PTPRD: variants seen among roughly 807,000 people sequenced by gnomAD.
PTPRD encodes protein tyrosine phosphatase receptor type D.
PTPRD carries 34 observed loss-of-function variants against 214.5 expected under a neutral mutation model. That is an observed-to-expected ratio of 0.16 (90% CI 0.12 to 0.21). PTPRD has a LOEUF of 0.21. Among genes scored for constraint, PTPRD ranks in the 10% least tolerant of loss-of-function variants. The pLI is 1.00. For missense variants in PTPRD, 2,545 were observed against 2,398.7 expected (o/e 1.06, Z -1.27); for synonymous variants, 1,128 against 845.7 (o/e 1.33, Z -5.79).
At chr9:8,441,282 A>G (rs987132387) in intron 34 of PTPRD, among the ~76,000 whole-genome samples, 2 of 152,070 alleles carry the variant, frequency 1.3e-5, no homozygotes, top group African/African-American at 4.8e-5. Context: ...CTCAGTCTCA[A>G]TGTCACTCAT....
intron 3 of PTPRD, among the ~76,000 whole-genome samples, chr9:10,164,230 C>T (rs747103118): frequency 2.2e-4 from 33 of 151,390 alleles, no homozygotes; most frequent in Non-Finnish European, 4.1e-4. Context: ...TCCACAAAAC[C>T]TACAAATCTA....
chr9:9,113,344 T>C (rs1420223004), intron 10 of PTPRD, among the ~76,000 whole-genome samples: 6 of 152,048 alleles, frequency 3.9e-5, no homozygotes, highest in Non-Finnish European at 8.8e-5. Flanking sequence ...ATTAAGTATA[T>C]TCGATATTTA....
chr9:8,925,434 A>C (rs1299943897), intron 11 of PTPRD, among the ~76,000 whole-genome samples: 1 of 152,048 alleles, frequency 6.6e-6, no homozygotes, highest in Non-Finnish European at 1.5e-5. Context: ...CACCTACATA[A>C]TTTCTGAAAC....
chr9:9,722,631 G>A (rs759372638), intron 7 of PTPRD, among the ~76,000 whole-genome samples: 2 of 151,974 alleles, frequency 1.3e-5, no homozygotes, highest in African/African-American at 2.4e-5. Context: ...TTAATCATTT[G>A]AAGAACTGCT....
intron 10 of PTPRD, among the ~76,000 whole-genome samples, chr9:9,097,308 A>C (rs563503420): frequency 6.6e-6 from 1 of 152,232 alleles, no homozygotes; most frequent in African/African-American, 2.4e-5. Flanking sequence ...CCTAAAGCAA[A>C]GGTTTTTGGG....
intron 9 of PTPRD, among the ~76,000 whole-genome samples, chr9:9,369,760 T>C (rs1266451761): frequency 6.6e-6 from 1 of 152,226 alleles, no homozygotes; most frequent in Non-Finnish European, 1.5e-5. Flanking sequence ...CACATAAGTC[T>C]TTAATCCATC....
intron 8 of PTPRD, among the ~76,000 whole-genome samples, chr9:9,520,265 TTA>T (rs981716414): frequency 2.9e-4 from 41 of 142,322 alleles, no homozygotes; most frequent in East Asian, 6.1e-4. Flanking sequence ...CTCCTAAAAG[TTA>T]TATATATATA....
intron 7 of PTPRD, among the ~76,000 whole-genome samples, chr9:9,622,261 T>A (rs2095269238): frequency 6.6e-6 from 1 of 152,128 alleles, no homozygotes; most frequent in African/African-American, 2.4e-5. Flanking sequence ...TCAAGATAAA[T>A]AGGGTTATTT....
At chr9:9,900,913 T>C (rs952849610) in intron 5 of PTPRD, among the ~76,000 whole-genome samples, 16 of 152,140 alleles carry the variant, frequency 1.1e-4, no homozygotes, top group Non-Finnish European at 1.8e-4. Context: ...GGTATCTTTA[T>C]AGCAATGCCC....
At chr9:8,676,794 G>A (rs1044040733) in intron 12 of PTPRD, among the ~76,000 whole-genome samples, 5 of 152,062 alleles carry the variant, frequency 3.3e-5, no homozygotes, top group African/African-American at 1.2e-4. Flanking sequence ...AGCTGGTCTC[G>A]AACTCCTGAC....
chr9:9,856,272 G>A (rs191908599), intron 5 of PTPRD, among the ~76,000 whole-genome samples: 172 of 152,292 alleles, frequency 1.1e-3, no homozygotes, highest in Middle Eastern at 3.4e-3. Flanking sequence ...TATAGGCACA[G>A]GATGGTGCAG....
At chr9:10,050,225 T>C (rs2097503393) in intron 3 of PTPRD, among the ~76,000 whole-genome samples, 1 of 151,732 alleles carries the variant, frequency 6.6e-6, no homozygotes, top group South Asian at 2.1e-4. Flanking sequence ...TAGGTGGGGA[T>C]GTGCTTGGCC....
chr9:9,833,338 G>T (rs2055585485), intron 5 of PTPRD, among the ~76,000 whole-genome samples: 1 of 151,944 alleles, frequency 6.6e-6, no homozygotes, highest in Non-Finnish European at 1.5e-5. Flanking sequence ...ACAAAAACCA[G>T]CAAGTTTTTA....
chr9:9,598,793 A>G (rs1161852320), intron 7 of PTPRD, among the ~76,000 whole-genome samples: 1 of 151,984 alleles, frequency 6.6e-6, no homozygotes, highest in Admixed American at 6.6e-5. Context: ...AGTGGCTTAT[A>G]AGAAAGTGAT....
At chr9:10,335,326 G>A (rs2096826031) in intron 3 of PTPRD, among the ~76,000 whole-genome samples, 1 of 151,700 alleles carries the variant, frequency 6.6e-6, no homozygotes, top group Non-Finnish European at 1.5e-5. Flanking sequence ...CAATTGCAAA[G>A]CAATGGATAA....
chr9:8,459,980 C>T (rs147874488), intron 33 of PTPRD, among the ~76,000 whole-genome samples: 8 of 152,084 alleles, frequency 5.3e-5, no homozygotes, highest in East Asian at 3.9e-4. Flanking sequence ...TCAACACTTG[C>T]GCAAATTAGA....
At chr9:9,747,716 T>A (rs2098472726) in intron 6 of PTPRD, among the ~76,000 whole-genome samples, 1 of 151,932 alleles carries the variant, frequency 6.6e-6, no homozygotes. Flanking sequence ...CTGGCTAATT[T>A]TTTTGTGTGT....
intron 15 of PTPRD, chr9:8,528,034 T>C (rs1359714021): frequency 1.8e-5 from 3 of 169,002 alleles, no homozygotes; most frequent in Non-Finnish European, 2.5e-5. Flanking sequence ...AACGTTTCTG[T>C]GTTTTTATGT....
chr9:9,142,928 C>A (rs1052080378), intron 10 of PTPRD, among the ~76,000 whole-genome samples: 1 of 152,066 alleles, frequency 6.6e-6, no homozygotes, highest in Non-Finnish European at 1.5e-5. Context: ...CTAGGGAACA[C>A]AGTAGGAGCA....
Sources: allele counts gnomAD v4.1 joint callset (sites outside exome capture counted in the v4.1 genomes callset), GRCh38; gene constraint gnomAD v4.1.1; transcripts MANE v1.5; gene names NCBI Gene and HGNC (gene_info 2026-07-23, HGNC 2026-07-21).